ARHGAP32: variants seen among roughly 807,000 people sequenced by gnomAD.
ARHGAP32 encodes Rho GTPase activating protein 32.
In ARHGAP32, 51 loss-of-function variants were observed where a neutral mutation model predicts 186.5. The ratio of observed to expected loss-of-function variants is 0.27; its 90% CI spans 0.22 to 0.35. The LOEUF is 0.35. ARHGAP32 is among the 10% of genes least tolerant of loss of function. ARHGAP32 has a pLI of 1.00. For synonymous variants in ARHGAP32, 950 were observed against 964.3 expected (o/e 0.99, Z 0.27); for missense variants, 2,186 against 2,623.5 (o/e 0.83, Z 3.64).
At chr11:129,087,027 A>C (rs1941429176) in intron 6 of ARHGAP32, among the ~76,000 whole-genome samples, 1 of 152,182 alleles carries the variant, frequency 6.6e-6, no homozygotes, top group South Asian at 2.1e-4. Context: ...GGGAATTCCA[A>C]ATTAAAACAA....
chr11:129,201,897 C>T (rs918443339), intron 1 of ARHGAP32, among the ~76,000 whole-genome samples: 6 of 152,068 alleles, frequency 3.9e-5, no homozygotes, highest in African/African-American at 1.4e-4. Flanking sequence ...GTGGGAGGAT[C>T]GCTTGAGCAC....
At chr11:129,236,212 C>G (rs543206799) in intron 1 of ARHGAP32, among the ~76,000 whole-genome samples, 34 of 152,256 alleles carry the variant, frequency 2.2e-4, no homozygotes, top group African/African-American at 7.7e-4. Flanking sequence ...TCCCTTTTCA[C>G]TGCATCCACG....
chr11:129,049,569 A>G (rs546000778), intron 10 of ARHGAP32, among the ~76,000 whole-genome samples: 5 of 152,044 alleles, frequency 3.3e-5, no homozygotes, highest in African/African-American at 1.2e-4. Flanking sequence ...GCAATTACTC[A>G]TCTACTTTTT....
intron 1 of ARHGAP32, among the ~76,000 whole-genome samples, chr11:129,188,287 T>C: frequency 6.6e-6 from 1 of 152,148 alleles, no homozygotes; most frequent in East Asian, 1.9e-4. Flanking sequence ...CTCTCTGTAC[T>C]TCCAGGATCA....
At chr11:129,078,155 C>A (rs1941104775) in intron 6 of ARHGAP32, among the ~76,000 whole-genome samples, 1 of 152,164 alleles carries the variant, frequency 6.6e-6, no homozygotes, top group Admixed American at 6.5e-5. Flanking sequence ...CTCCCCAGCA[C>A]CAGCCCGGAG....
chr11:129,264,747 A>T (rs11824786), intron 1 of ARHGAP32, among the ~76,000 whole-genome samples: 6,656 of 152,236 alleles, frequency 0.044, 169 homozygotes, highest in Middle Eastern at 0.068. Context: ...TCAAAGGGAC[A>T]TAAAATCAGG....
At chr11:129,112,931 C>A (rs1172136250) in intron 5 of ARHGAP32, among the ~76,000 whole-genome samples, 1 of 152,128 alleles carries the variant, frequency 6.6e-6, no homozygotes, top group African/African-American at 2.4e-5. Flanking sequence ...GATGTTCACA[C>A]CTACTGCTAT....
intron 1 of ARHGAP32, among the ~76,000 whole-genome samples, chr11:129,266,071 T>C (rs912462202): frequency 2.6e-5 from 4 of 151,922 alleles, no homozygotes; most frequent in Admixed American, 6.6e-5. Flanking sequence ...AGAGAAAAGC[T>C]CTAAAAAATG....
At chr11:129,070,202 G>A (rs1054560592) in intron 6 of ARHGAP32, among the ~76,000 whole-genome samples, 1 of 151,994 alleles carries the variant, frequency 6.6e-6, no homozygotes, top group Non-Finnish European at 1.5e-5. Flanking sequence ...AAATGGGGAG[G>A]CTAATAGTAA....
At chr11:129,031,870 T>G (rs7948441) in intron 11 of ARHGAP32, among the ~76,000 whole-genome samples, 37,126 of 152,004 alleles carry the variant, frequency 0.24, 4,775 homozygotes, top group African/African-American at 0.3. Flanking sequence ...CAGCAGAGAA[T>G]AAGAGAAGCA....
chr11:129,167,501 C>CACT (rs1943663662), intron 1 of ARHGAP32, among the ~76,000 whole-genome samples: 1 of 152,024 alleles, frequency 6.6e-6, no homozygotes, highest in Non-Finnish European at 1.5e-5. Context: ...AAGCAAAATG[C>CACT]ACTAGGTACA....
chr11:129,245,328 T>C (rs1945077476), intron 1 of ARHGAP32, among the ~76,000 whole-genome samples: 1 of 149,216 alleles, frequency 6.7e-6, no homozygotes, highest in Non-Finnish European at 1.5e-5. Flanking sequence ...AAATCATCAT[T>C]CTCAGTAAAC....
chr11:129,029,828 G>A (rs187351902), intron 11 of ARHGAP32, among the ~76,000 whole-genome samples: 10 of 75,152 alleles, frequency 1.3e-4, no homozygotes, highest in South Asian at 4.4e-4. Context: ...AAAAAAAAAC[G>A]GGTAGGAAGG....
rs941568284 is a variant in ARHGAP32 at position 128,987,905 on chromosome 11, C to T, written c.1298+118G>A. 6 of 710,948 alleles carry T rather than the reference C, an allele frequency of 8.4e-6. No homozygotes were observed. The Middle Eastern group carries it at 7.6e-4, about 90-fold the overall frequency. The allele number at this position is 710,948 out of a possible 1,614,324, so 44.0% of individuals were successfully genotyped here. On this transcript the variant is annotated intron_variant, in intron 13 of 22. Transcript: ENST00000682385. ...GAGACAATAACATGTATATTATTTC[C>T]TATTTTATCTAAATTATCTTTAATG...
Position 128,972,635 on chromosome 11 carries a change from C to T in ARHGAP32, c.3871G>A (p.Glu1291Lys). The stretch of plus-strand genomic sequence containing the variant: ...TGTTCAGCCACATCCCAGCTGGCTT[C>T]CTTGGTGCTCATTTGGGCTGTTGCT... Reference protein sequence around the residue: ...TPATAQMSTKEASWDVAEQPT... With the variant: ...TPATAQMSTKKASWDVAEQPT... The change falls in exon 22 of 23, where the codon GAA becomes AAA. Residue 1291 changes from glutamate to lysine, a missense_variant. Glu to Lys is a moderately conservative substitution (Grantham distance 56, BLOSUM62 1). This residue lies in a region of ARHGAP32 where 1,502 missense variants were observed against 1,570.0 expected (regional missense o/e 0.96). Coordinates refer to ENST00000682385, the MANE Select transcript of ARHGAP32 (RefSeq NM_001378024.1). The T allele has an allele frequency of 1.2e-6, 2 of 1,612,756 alleles. No individual in the cohort carries two copies. Among genetic ancestry groups the T allele is most frequent in the Non-Finnish European group, 1.7e-6 (2 of 1,179,094 alleles).
At chr11:129,059,382 C>T (rs1421567507) in intron 10 of ARHGAP32, among the ~76,000 whole-genome samples, 1 of 152,134 alleles carries the variant, frequency 6.6e-6, no homozygotes, top group African/African-American at 2.4e-5. Context: ...AACATGTCTC[C>T]TCTTTCACAC....
At chr11:129,056,078 T>A (rs948626518) in intron 10 of ARHGAP32, among the ~76,000 whole-genome samples, 12 of 152,156 alleles carry the variant, frequency 7.9e-5, no homozygotes, top group African/African-American at 2.9e-4. Flanking sequence ...CAGTGCTCAG[T>A]CAGTGCTGTA....
intron 10 of ARHGAP32, among the ~76,000 whole-genome samples, chr11:129,061,429 T>C (rs752115620): frequency 6.6e-6 from 1 of 152,214 alleles, no homozygotes; most frequent in South Asian, 2.1e-4. Context: ...CCTAGGATAC[T>C]TTTTCCTATA....
At chr11:129,226,969 T>G (rs963408431) in intron 1 of ARHGAP32, among the ~76,000 whole-genome samples, 6 of 152,118 alleles carry the variant, frequency 3.9e-5, no homozygotes, top group African/African-American at 1.2e-4. Context: ...TAAGTATGAA[T>G]GACAGTATAA....
Sources: allele counts gnomAD v4.1 joint callset (sites outside exome capture counted in the v4.1 genomes callset), GRCh38; gene constraint gnomAD v4.1.1; regional missense constraint gnomAD v4.1.1; transcripts MANE v1.5; gene names NCBI Gene and HGNC (gene_info 2026-07-23, HGNC 2026-07-21).